The following MAP4K3 variants were observed in gnomAD, a reference collection of about 807,000 sequenced individuals.
MAP4K3 encodes mitogen-activated protein kinase kinase kinase kinase 3, also known as MAPK/ERK kinase kinase kinase 3.
In MAP4K3, 94 loss-of-function variants were observed where a neutral mutation model predicts 143.5. The ratio of observed to expected loss-of-function variants is 0.65; its 90% CI spans 0.55 to 0.78. The LOEUF (loss-of-function observed/expected upper bound fraction) is 0.78, where lower values mean the gene tolerates loss of function less well. Ranked by LOEUF, MAP4K3 falls within the 30% of genes least tolerant of loss-of-function variation. The probability of loss-of-function intolerance (pLI) is 0.00; values close to 1 mark genes in which losing one functional copy is unlikely to be tolerated. For synonymous variants in MAP4K3, 416 were observed against 347.2 expected (o/e 1.20, Z -2.20); for missense variants, 1,077 against 1,068.1 (o/e 1.01, Z -0.12).
chr2:39,387,379 G>A (rs775493307), intron 1 of MAP4K3, among the ~76,000 whole-genome samples: 20 of 152,276 alleles, frequency 1.3e-4, no homozygotes, highest in Admixed American at 2.6e-4. Flanking sequence ...ACTGGCAGGT[G>A]TCTCTGTTTA....
At position 39,425,512 on chromosome 2, in the gene MAP4K3, A is replaced by G. The variant is rs114317420; in HGVS notation, c.96+11380T>C. ...TTTAGATGAGTTCCTGAGGTAGGGA[A>G]GGCCTCAGGATGGGATAAGTGCCCT... On this transcript the variant is annotated intron_variant, in intron 1 of 33. Coordinates refer to ENST00000263881, the MANE Select transcript of MAP4K3 (RefSeq NM_003618.4). Among the ~76,000 whole-genome samples, 1,151 of 152,214 alleles carry G rather than the reference A, an allele frequency of 7.6e-3. 16 individuals are homozygous for G. Among genetic ancestry groups the G allele is most frequent in the African/African-American group, 0.026 (1,096 of 41,532 alleles).
At chr2:39,366,301 G>C (rs554590402) in intron 2 of MAP4K3, among the ~76,000 whole-genome samples, 1 of 152,038 alleles carries the variant, frequency 6.6e-6, no homozygotes, top group Non-Finnish European at 1.5e-5. Context: ...GTGGCTTCCA[G>C]GTTAGAGGGA....
chr2:39,329,100 AT>A (rs1188937969), intron 8 of MAP4K3, among the ~76,000 whole-genome samples: 1 of 152,210 alleles, frequency 6.6e-6, no homozygotes, highest in African/African-American at 2.4e-5. Flanking sequence ...TGTTCCCAAG[AT>A]ATTTCCCACA....
At position 39,399,286 on chromosome 2, in the gene MAP4K3, G is replaced by A. The variant is rs539779255; in HGVS notation, c.97-21163C>T. ...AAGAGTACCACTTGTGACAGGCAGT[G>A]AATACTTCAGATGACACAGACAAGG... On this transcript the variant is annotated intron_variant, in intron 1 of 33. Coordinates refer to ENST00000263881, the MANE Select transcript of MAP4K3 (RefSeq NM_003618.4). Among the ~76,000 whole-genome samples the A allele has an allele frequency of 9.9e-4, 151 of 152,318 alleles. 1 individual carries two copies. The highest frequency in any genetic ancestry group is 3.3e-3 in the African/African-American group (139 of 41,570).
intron 1 of MAP4K3, among the ~76,000 whole-genome samples, chr2:39,431,489 A>T (rs73924011): frequency 0.03 from 4,584 of 152,236 alleles, 245 homozygotes; most frequent in African/African-American, 0.1. Flanking sequence ...TAAAACCTGG[A>T]TCCATCCCTG....
At chr2:39,423,548 G>A (rs148277222) in intron 1 of MAP4K3, among the ~76,000 whole-genome samples, 1 of 152,272 alleles carries the variant, frequency 6.6e-6, no homozygotes, top group Non-Finnish European at 1.5e-5. Context: ...TGAATAAACT[G>A]TGGTATAAAC....
In MAP4K3 at chr2:39,326,127, T is replaced by G; in HGVS notation, c.662+19A>C. 1 of 1,605,702 alleles carries G rather than the reference T, an allele frequency of 6.2e-7. No homozygotes were observed. Among genetic ancestry groups the G allele is most frequent in the Non-Finnish European group, 8.5e-7 (1 of 1,176,770 alleles). On this transcript the variant is annotated intron_variant, in intron 9 of 33. Transcript: ENST00000263881. Reference sequence around the variant, plus strand: ...ATAAAAACCTTAAGCGTAAGATTCTTCAATGATGATGCACTGACCTCATTG... The same window carrying G: ...ATAAAAACCTTAAGCGTAAGATTCTGCAATGATGATGCACTGACCTCATTG...
At chr2:39,320,936 AAACT>A (rs1282566536) in intron 12 of MAP4K3, among the ~76,000 whole-genome samples, 8 of 152,200 alleles carry the variant, frequency 5.3e-5, no homozygotes, top group Admixed American at 1.3e-4. Context: ...AACAAGACTC[AAACT>A]AACTACTCAC....
At chr2:39,387,367 C>T (rs1666532817) in intron 1 of MAP4K3, among the ~76,000 whole-genome samples, 1 of 152,172 alleles carries the variant, frequency 6.6e-6, no homozygotes, top group South Asian at 2.1e-4. Flanking sequence ...TCCATGAACA[C>T]TACTGGCAGG....
chr2:39,370,165 T>A (rs1666041431), intron 2 of MAP4K3, among the ~76,000 whole-genome samples: 1 of 152,242 alleles, frequency 6.6e-6, no homozygotes, highest in Non-Finnish European at 1.5e-5. Flanking sequence ...TGCTTTTTTA[T>A]TTTGGAGCAT....
At chr2:39,272,251 A>C in intron 26 of MAP4K3, 32 bp downstream of exon 26, 1 of 1,448,220 alleles carries the variant, frequency 6.9e-7, no homozygotes. Flanking sequence ...TGAACTGTTA[A>C]TATCATATTG....
chr2:39,312,682 T>C (rs1434652767), intron 13 of MAP4K3, among the ~76,000 whole-genome samples: 1 of 152,210 alleles, frequency 6.6e-6, no homozygotes, highest in African/African-American at 2.4e-5. Context: ...ATCTGATAAG[T>C]AGGTTAAGAA....
intron 2 of MAP4K3, among the ~76,000 whole-genome samples, chr2:39,356,854 C>A (rs904476671): frequency 6.6e-6 from 1 of 152,132 alleles, no homozygotes; most frequent in Non-Finnish European, 1.5e-5. Flanking sequence ...TTCCAAGTAA[C>A]ATTTAATATA....
Position 39,325,901 on chromosome 2 carries a change from T to G in MAP4K3, c.723A>C (p.Lys241Asn). The stretch of plus-strand genomic sequence containing the variant: ...GTAAATAACATAAAAATACTTACCA[T>G]TTCATTTTATCCTTTAGTTTAGGAG... ...FQPPKLKDKMKWSNSFHHFVK... is the reference protein window; with the variant it reads ...FQPPKLKDKMNWSNSFHHFVK... The change falls in exon 10 of 34, where the codon AAA (lysine) becomes AAC (asparagine). Residue 241 changes from lysine to asparagine, a missense_variant and splice_region_variant. Physicochemically the swap from Lys to Asn is moderately conservative, Grantham distance 94 (BLOSUM62 0). Coordinates refer to ENST00000263881, the MANE Select transcript of MAP4K3 (RefSeq NM_003618.4). 3 of 1,580,674 alleles carry G rather than the reference T, an allele frequency of 1.9e-6. No homozygotes were observed. Among genetic ancestry groups the G allele is most frequent in the Non-Finnish European group, 2.6e-6 (3 of 1,155,670 alleles).
intron 8 of MAP4K3, among the ~76,000 whole-genome samples, chr2:39,331,284 A>G (rs1189045896): frequency 6.6e-6 from 1 of 152,190 alleles, no homozygotes; most frequent in African/African-American, 2.4e-5. Flanking sequence ...CATACTGCTT[A>G]ATATCACATC....
At chr2:39,293,376 T>C (rs1408432716) in intron 16 of MAP4K3, 108 bp from the exon 17 acceptor site, 2 of 719,172 alleles carry the variant, frequency 2.8e-6, no homozygotes, top group African/African-American at 3.7e-5. Context: ...GAATGATTAC[T>C]TTTTTACCAT....
chr2:39,292,032 C>G (rs1558626697), intron 18 of MAP4K3, among the ~76,000 whole-genome samples: 1 of 150,368 alleles, frequency 6.7e-6, no homozygotes, highest in Non-Finnish European at 1.5e-5. Context: ...GAAACTGCAT[C>G]TTTATTAAAA....
chr2:39,415,416 C>G (rs1185872673), intron 1 of MAP4K3, among the ~76,000 whole-genome samples: 1 of 152,040 alleles, frequency 6.6e-6, no homozygotes, highest in Non-Finnish European at 1.5e-5. Flanking sequence ...TTAATTATTA[C>G]TTAGAAACAG....
chr2:39,421,011 A>T (rs1412380602), intron 1 of MAP4K3, among the ~76,000 whole-genome samples: 1 of 152,140 alleles, frequency 6.6e-6, no homozygotes, highest in Non-Finnish European at 1.5e-5. Flanking sequence ...AATCTAATTC[A>T]TATCATTTCC....
Sources: allele counts gnomAD v4.1 joint callset (sites outside exome capture counted in the v4.1 genomes callset), GRCh38; gene constraint gnomAD v4.1.1; transcripts MANE v1.5; gene names NCBI Gene and HGNC (gene_info 2026-07-23, HGNC 2026-07-21).